DCP2: variants seen among roughly 807,000 people sequenced by gnomAD.
The protein encoded by DCP2 is decapping mRNA 2.
Under a neutral mutation model 56.1 loss-of-function variants are expected in DCP2, and 30 were observed. The observed-to-expected ratio is 0.53, with a 90% CI of 0.40 to 0.73. DCP2 has a LOEUF of 0.73. DCP2 is among the 30% of genes least tolerant of loss of function. The pLI, the probability that DCP2 is intolerant of heterozygous loss-of-function variation, is 0.00. For missense variants in DCP2, 533 were observed against 502.7 expected, an observed-to-expected ratio of 1.06 and a Z score of -0.58; for synonymous variants, 197 against 163.3, an observed-to-expected ratio of 1.21 and a Z score of -1.57.
rs1750013250 is a variant in DCP2 at position 113,019,287 on chromosome 5, T to G, written c.*5803T>G. On this transcript the variant is annotated 3_prime_UTR_variant, in exon 11 of 11. Transcript: ENST00000389063. Reference sequence around the variant, plus strand: ...TGTGAATGAAATTTAGAAAGATAATTCTTCAGCAGTTGGTTGATTAGATGG... The same window carrying G: ...TGTGAATGAAATTTAGAAAGATAATGCTTCAGCAGTTGGTTGATTAGATGG... The G allele has an allele frequency of 6.6e-6, 1 of 152,196 alleles. No individual in the cohort carries two copies. Among genetic ancestry groups the G allele is most frequent in the Non-Finnish European group, 1.5e-5 (1 of 68,030 alleles). The allele number at this position is 152,196 out of a possible 1,614,324, so 9.4% of individuals were successfully genotyped here.
Position 113,004,063 on chromosome 5 carries a change from C to A in DCP2, c.928C>A (p.Leu310Ile). 1 of 1,613,730 alleles carries A rather than the reference C, an allele frequency of 6.2e-7. No homozygotes were observed. Among genetic ancestry groups the A allele is most frequent in the Non-Finnish European group, 8.5e-7 (1 of 1,179,910 alleles). Residue 310 changes from leucine to isoleucine, a missense_variant, in exon 8 of 11, where the codon CTT (leucine) becomes ATT (isoleucine). Physicochemically the swap from Leu to Ile is conservative, Grantham distance 5. Coordinates refer to ENST00000389063, the MANE Select transcript of DCP2 (RefSeq NM_152624.6). ...TAATAATCATTCTGAAATGTCTGAC[C>A]TTTTAAAAGGAAAGGTGAGTGATAC... is the stretch of plus-strand genomic sequence containing the variant. ...PYNNHSEMSD[L>I]LKGKNQSMRG... is the part of the protein sequence containing the mutation.
intron 2 of DCP2, among the ~76,000 whole-genome samples, chr5:112,988,494 TAAAAAAAAAAAA>T (rs368124032): frequency 2.4e-4 from 20 of 82,452 alleles, no homozygotes; most frequent in African/African-American, 9.9e-4. Context: ...TGTGTCTTAA[TAAAAAAAAAAAA>T]AAAAAAAAAA....
chr5:112,981,472 A>G (rs1747999669), intron 1 of DCP2, among the ~76,000 whole-genome samples: 1 of 152,180 alleles, frequency 6.6e-6, no homozygotes, highest in South Asian at 2.1e-4. Flanking sequence ...TAATATTTAT[A>G]TTCTATTTTG....
Position 113,020,784 on chromosome 5 carries a change from C to G in DCP2, c.*7300C>G, listed in dbSNP as rs1007603051. 2.0e-5 allele frequency: 3 copies of G among 152,126 alleles called. No individual in the cohort carries two copies. The highest frequency in any genetic ancestry group is 4.4e-5 in the Non-Finnish European group (3 of 68,008). The allele number at this position is 152,126 out of a possible 1,614,324, so 9.4% of individuals were successfully genotyped here. A position where few individuals can be genotyped will look rare whatever the true frequency, so the allele number is the denominator to read the frequency against. ...CTATGTCTTAACAGTTATGCTCTAA[C>G]TTTTTGAAAGCTTTTTGATGTAAAT... On this transcript the variant is annotated 3_prime_UTR_variant, in exon 11 of 11. Coordinates refer to ENST00000389063, the MANE Select transcript of DCP2 (RefSeq NM_152624.6).
Position 113,010,743 on chromosome 5 carries a change from T to A in DCP2, c.1048-13T>A, listed in dbSNP as rs199826215. On this transcript the variant is annotated splice_polypyrimidine_tract_variant and intron_variant, in intron 9 of 10. Coordinates refer to ENST00000389063, the MANE Select transcript of DCP2 (RefSeq NM_152624.6). ...TATGTGTGTGTGTGTGTGTTTTTTT[T>A]TTTTTTAAATAGAAGTGTGAAAAGA... 11 of 1,570,830 alleles carry A rather than the reference T, an allele frequency of 7.0e-6. No homozygotes were observed. The highest frequency in any genetic ancestry group is 2.6e-6 in the Non-Finnish European group (3 of 1,169,256).
At chr5:112,988,933 C>G (rs1465078392) in intron 2 of DCP2, among the ~76,000 whole-genome samples, 1 of 152,178 alleles carries the variant, frequency 6.6e-6, no homozygotes, top group Non-Finnish European at 1.5e-5. Flanking sequence ...TACACTTTGC[C>G]TGCTATTACA....
At chr5:113,000,406 A>ACC (rs1580819608) in intron 4 of DCP2, among the ~76,000 whole-genome samples, 1 of 87,806 alleles carries the variant, frequency 1.1e-5, no homozygotes, top group Non-Finnish European at 2.5e-5. Context: ...TAATACACAC[A>ACC]CACACACACA....
At chr5:113,007,858 TA>T (rs1206236957) in intron 8 of DCP2, 79 bp from the exon 9 acceptor site, 37 of 1,277,502 alleles carry the variant, frequency 2.9e-5, no homozygotes, top group Non-Finnish European at 4.0e-5. Flanking sequence ...TTCAACCAGC[TA>T]AACATATTCA....
chr5:113,003,913 A>T, intron 7 of DCP2, 29 bp from the exon 8 acceptor site: 1 of 1,612,678 alleles, frequency 6.2e-7, no homozygotes, highest in South Asian at 1.1e-5. Flanking sequence ...ACATTTTCTG[A>T]TTTGATTATT....
intron 10 of DCP2, among the ~76,000 whole-genome samples, chr5:113,011,433 A>C (rs970023287): frequency 1.3e-5 from 2 of 152,242 alleles, no homozygotes; most frequent in African/African-American, 2.4e-5. Flanking sequence ...ATACTGATTT[A>C]GTAGATGATA....
chr5:112,988,116 TTC>T (rs1748387238), intron 2 of DCP2, among the ~76,000 whole-genome samples: 1 of 152,074 alleles, frequency 6.6e-6, no homozygotes, highest in Non-Finnish European at 1.5e-5. Context: ...ACAGTGATTG[TTC>T]TGTAACAGTT....
Position 113,014,061 on chromosome 5 carries a change from T to G in DCP2, c.*577T>G, listed in dbSNP as rs745904120. The G allele has an allele frequency of 1.3e-5, 2 of 152,312 alleles. No individual in the cohort carries two copies. The highest frequency in any genetic ancestry group is 2.9e-5 in the Non-Finnish European group (2 of 68,124). The allele number at this position is 152,312 out of a possible 1,614,324, so 9.4% of individuals were successfully genotyped here. ...ATTGAGCAGCTTCTGGAATATAATG[T>G]GCATGTCCAAAATGAACTCAGCGCT... On this transcript the variant is annotated 3_prime_UTR_variant, in exon 11 of 11. Coordinates refer to ENST00000389063, the MANE Select transcript of DCP2 (RefSeq NM_152624.6).
chr5:113,002,321 G>A (rs904882891), intron 7 of DCP2, among the ~76,000 whole-genome samples: 1 of 151,808 alleles, frequency 6.6e-6, no homozygotes, highest in African/African-American at 2.4e-5. Context: ...TTCTCGGGAG[G>A]CTGAGGCAGG....
At chr5:113,009,214 A>G (rs1263638171) in intron 9 of DCP2, among the ~76,000 whole-genome samples, 3 of 152,258 alleles carry the variant, frequency 2.0e-5, no homozygotes, top group African/African-American at 4.8e-5. Flanking sequence ...ATTTAATATG[A>G]TACCAATAAA....
In DCP2 at chr5:112,985,909, A is replaced by C; in HGVS notation, c.128A>C (p.His43Pro). 6.2e-7 allele frequency: 1 copy of C among 1,610,468 alleles called. No homozygotes were observed. The highest frequency in any genetic ancestry group is 8.5e-7 in the Non-Finnish European group (1 of 1,177,078). ...IRVCFQIELAHWFYLDFYMQN... is the reference protein window; with the variant it reads ...IRVCFQIELAPWFYLDFYMQN... ...GTGTGTTTTCAGATTGAACTTGCCC[A>C]TTGGTTTTACTTGGATTTCTACATG... is the stretch of plus-strand genomic sequence containing the variant. The change falls in exon 2 of 11, where the codon CAT (histidine) becomes CCT (proline). Residue 43 changes from histidine (H) to proline (P), a missense_variant. Coordinates refer to ENST00000389063, the MANE Select transcript of DCP2 (RefSeq NM_152624.6).
Position 113,001,192 on chromosome 5 carries a change from C to T in DCP2, c.541C>T (p.Pro181Ser). 1.2e-6 allele frequency: 2 copies of T among 1,613,448 alleles called. No homozygotes were observed. The highest frequency in any genetic ancestry group is 1.7e-6 in the Non-Finnish European group (2 of 1,179,878). Reference protein sequence around the residue: ...LARLYIIPGIPKDTKFNPKTR... With the variant: ...LARLYIIPGISKDTKFNPKTR... ...TCGTTTGTACATCATTCCAGGAATT[C>T]CAAAAGACACAAAATTTAACCCAAA... The change falls in exon 5 of 11, where the codon CCA becomes TCA. Residue 181 changes from proline to serine, a missense_variant. By Grantham distance (74) the Pro-to-Ser change is moderately conservative (BLOSUM62 -1). This residue lies in a region of DCP2 where 392 missense variants were observed against 346.6 expected (regional missense o/e 1.13). Transcript: ENST00000389063.
At position 112,999,057 on chromosome 5, in the gene DCP2, T is replaced by C. The variant is rs1006657483; in HGVS notation, c.433-2027T>C. 3.5e-4 allele frequency among the ~76,000 whole-genome samples: 53 copies of C among 152,242 alleles called. 1 individual carries two copies. The highest frequency in any genetic ancestry group is 1.2e-3 in the African/African-American group (49 of 41,464). On this transcript the variant is annotated intron_variant, in intron 4 of 10. Transcript: ENST00000389063. Reference sequence around the variant, plus strand: ...GACACGTCTCTTCAGTCTCCTTTAATCTGAAACTCTTCCTTACTTTTTCTT... The same window carrying C: ...GACACGTCTCTTCAGTCTCCTTTAACCTGAAACTCTTCCTTACTTTTTCTT...
At position 113,001,609 on chromosome 5, in the gene DCP2, A is replaced by C; in HGVS notation, c.741A>C (p.Ser247=). The part of the protein sequence containing the change: ...DWLSRRFGDS[S]DSDNGFSSTG... ...TTTCTCGAAGATTTGGCGATTCCTC[A>C]GACAGTGACAATGGATTTTCCTCAA... The change falls in exon 7 of 11, where the codon TCA becomes TCC. Residue 247 remains serine (S), a synonymous_variant. Coordinates refer to ENST00000389063, the MANE Select transcript of DCP2 (RefSeq NM_152624.6). The C allele has an allele frequency of 6.2e-7, 1 of 1,614,206 alleles. No individual in the cohort carries two copies. Among genetic ancestry groups the C allele is most frequent in the Non-Finnish European group, 8.5e-7 (1 of 1,180,026 alleles).
chr5:113,016,795 T>A lies in DCP2; in HGVS notation c.*3311T>A, dbSNP rs191726131. 2 of 151,602 alleles carry A rather than the reference T, an allele frequency of 1.3e-5. No individual in the cohort carries two copies. The highest frequency in any genetic ancestry group is 4.8e-5 in the African/African-American group (2 of 41,276). The allele number at this position is 151,602 out of a possible 1,614,324, so 9.4% of individuals were successfully genotyped here. A position where few individuals can be genotyped will look rare whatever the true frequency, so the allele number is the denominator to read the frequency against. ...GGAGAGCAAAGTTAATTATAAAAATTAGACATTTTGCCAAGTTAGTTTTCT... is the reference window on the plus strand; with the variant it reads ...GGAGAGCAAAGTTAATTATAAAAATAAGACATTTTGCCAAGTTAGTTTTCT... On this transcript the variant is annotated 3_prime_UTR_variant, in exon 11 of 11. Transcript: ENST00000389063.
Sources: allele counts gnomAD v4.1 joint callset (sites outside exome capture counted in the v4.1 genomes callset), GRCh38; gene constraint gnomAD v4.1.1; regional missense constraint gnomAD v4.1.1; transcripts MANE v1.5; gene names NCBI Gene and HGNC (gene_info 2026-07-23, HGNC 2026-07-21).